Variants in SPTBN2 observed in about 807,000 individuals in gnomAD.
SPTBN2 encodes the protein spectrin beta, non-erythrocytic 2.
In SPTBN2, 107 loss-of-function variants were observed where a neutral mutation model predicts 284.2. That is an observed-to-expected ratio of 0.38 (90% CI 0.32 to 0.44). The LOEUF (loss-of-function observed/expected upper bound fraction) is 0.44. SPTBN2 is among the 20% of genes least tolerant of loss of function. SPTBN2 has a pLI of 1.00. For missense variants in SPTBN2, 2,569 were observed against 3,287.1 expected (o/e 0.78, Z 5.34); for synonymous variants, 1,289 against 1,354.8 (o/e 0.95, Z 1.07).
At chr11:66,725,795 CG>C (rs2135584438) in intron 1 of SPTBN2, among the ~76,000 whole-genome samples, 1 of 152,298 alleles carries the variant, frequency 6.6e-6, no homozygotes, top group African/African-American at 2.4e-5. Context: ...CTAGGCTCAC[CG>C]TGCCGATCCT....
At position 66,685,960 on chromosome 11, in the gene SPTBN2, C is replaced by T. The variant is rs764264434; in HGVS notation, c.7084G>A (p.Gly2362Arg). The change falls in exon 38 of 38, where the codon GGG becomes AGG. Residue 2362 changes from glycine to arginine, a missense_variant. This residue lies in a region of SPTBN2 where 1,130 missense variants were observed against 1,317.3 expected (regional missense o/e 0.86). Coordinates refer to ENST00000533211, the MANE Select transcript of SPTBN2 (RefSeq NM_006946.4). The surrounding 1 kb of genome is among the most constrained non-coding windows in gnomAD (Gnocchi z 4.4). ...AMTMPPVSPV[G>R]AEGPVVLRSK... ...CGGAGCACAACAGGCCCCTCAGCCC[C>T]GACGGGTGACACTGGGGGCATGGTC... 16 of 1,613,754 alleles carry T rather than the reference C, an allele frequency of 9.9e-6. No individual in the cohort carries two copies. Among genetic ancestry groups the T allele is most frequent in the African/African-American group, 6.7e-5 (5 of 74,924 alleles).
intron 1 of SPTBN2, among the ~76,000 whole-genome samples, chr11:66,736,046 G>A (rs1942849712): frequency 6.6e-6 from 1 of 152,122 alleles, no homozygotes; most frequent in Non-Finnish European, 1.5e-5. Flanking sequence ...GCCAGCTTGG[G>A]GCATGGTTTG....
At chr11:66,725,020 C>A (rs1356452417) in intron 1 of SPTBN2, among the ~76,000 whole-genome samples, 1 of 152,190 alleles carries the variant, frequency 6.6e-6, no homozygotes, top group Non-Finnish European at 1.5e-5. Context: ...CGGATTCCTA[C>A]CATTACCAGG....
In SPTBN2 at chr11:66,720,897, G is replaced by A. The variant is rs529727634; in HGVS notation, c.157+187C>T. ...CTCTATGCTTGGGGGGAAGAGCTGG[G>A]GAAAGTTCTGAATGGCCTGGAGCCT... On this transcript the variant is annotated intron_variant, in intron 3 of 37. Coordinates refer to ENST00000533211, the MANE Select transcript of SPTBN2 (RefSeq NM_006946.4). Among the ~76,000 whole-genome samples the A allele has an allele frequency of 2.0e-5, 3 of 152,208 alleles. No homozygotes were observed. In the East Asian group the frequency reaches 5.8e-4, roughly 29 times the overall value.
chr11:66,687,553 G>T lies in SPTBN2; in HGVS notation c.6596C>A (p.Ser2199Tyr). The part of the protein sequence containing the change: ...PAPSAMPQSR[S>Y]TESAHAATLP... ...GGTGGCAGCATGGGCTGACTCGGTA[G>T]ACCTGCTCTGGGGCATTGCAGATGG... is the stretch of plus-strand genomic sequence containing the variant. The change falls in exon 35 of 38, where the codon TCT (serine) becomes TAT (tyrosine). Residue 2199 changes from serine (S) to tyrosine (Y), a missense_variant. Transcript: ENST00000533211. The surrounding 1 kb of genome is among the most constrained non-coding windows in gnomAD (Gnocchi z 5.2). The T allele has an allele frequency of 6.2e-7, 1 of 1,612,230 alleles. No individual in the cohort carries two copies. Among genetic ancestry groups the T allele is most frequent in the Non-Finnish European group, 8.5e-7 (1 of 1,179,994 alleles).
chr11:66,711,419 G>A (rs1941859650), intron 8 of SPTBN2, among the ~76,000 whole-genome samples: 1 of 152,238 alleles, frequency 6.6e-6, no homozygotes, highest in Non-Finnish European at 1.5e-5. Context: ...GGGGCAGTGG[G>A]ACGGAAGGTA....
chr11:66,710,889 CT>C lies in SPTBN2; in HGVS notation c.885+27del. On this transcript the variant is annotated intron_variant, in intron 9 of 37. Transcript: ENST00000533211. This position sits in a 1 kb window ranked among gnomAD's most constrained non-coding sequence, Gnocchi z 4.9. ...ACCCCTCAGCCGGGCCTCCTCTGGC[CT>C]TTATGCCTACTGCCCATGGACAGTA... 1 of 1,613,110 alleles carries C rather than the reference CT, an allele frequency of 6.2e-7. No homozygotes were observed. Among genetic ancestry groups the C allele is most frequent in the East Asian group, 2.2e-5 (1 of 44,886 alleles).
At position 66,715,342 on chromosome 11, in the gene SPTBN2, C is replaced by T. The variant is rs763047728; in HGVS notation, c.363G>A (p.Lys121=). 2.9e-5 allele frequency: 47 copies of T among 1,614,108 alleles called. No homozygotes were observed. The East Asian group carries it at 9.8e-4, about 34-fold the overall frequency. Residue 121 remains lysine (K), a synonymous_variant, in exon 5 of 38, where the codon AAG becomes AAA. Transcript: ENST00000533211. This position sits in a 1 kb window ranked among gnomAD's most constrained non-coding sequence, Gnocchi z 5.3. The stretch of plus-strand genomic sequence containing the variant: ...TCTGCTCCTTGAGGAACTGCAGTGC[C>T]TTGTCCACGTTCTCCAGGCAGTGGA... ...MRIHCLENVD[K]ALQFLKEQKV... is the part of the protein sequence containing the mutation.
In SPTBN2 at chr11:66,718,049, C is replaced by T. The variant is rs1209629573; in HGVS notation, c.158-2068G>A. ...TCCCTGGGCCTGGCTCACCCCTCCGCCTCCCCTAACTGTCCTGGCCAGCGC... is the reference window on the plus strand; with the variant it reads ...TCCCTGGGCCTGGCTCACCCCTCCGTCTCCCCTAACTGTCCTGGCCAGCGC... On this transcript the variant is annotated intron_variant, in intron 3 of 37. Coordinates refer to ENST00000533211, the MANE Select transcript of SPTBN2 (RefSeq NM_006946.4). The surrounding 1 kb of genome is among the most constrained non-coding windows in gnomAD (Gnocchi z 4.8). Among the ~76,000 whole-genome samples, 1 of 152,176 alleles carries T rather than the reference C, an allele frequency of 6.6e-6. No individual in the cohort carries two copies. The highest frequency in any genetic ancestry group is 1.5e-5 in the Non-Finnish European group (1 of 68,026).
chr11:66,709,534 T>A (rs747133631), intron 10 of SPTBN2, among the ~76,000 whole-genome samples: 1 of 152,246 alleles, frequency 6.6e-6, no homozygotes, highest in Admixed American at 6.5e-5. Context: ...CACCTTTCCA[T>A]GTCAATAAAT....
chr11:66,704,918 G>A lies in SPTBN2; in HGVS notation c.2358C>T (p.Ala786=), dbSNP rs2135444597. 1 of 1,611,684 alleles carries A rather than the reference G, an allele frequency of 6.2e-7. No individual in the cohort carries two copies. Among genetic ancestry groups the A allele is most frequent in the Non-Finnish European group, 8.5e-7 (1 of 1,179,912 alleles). ...GHDEFSTQAL[A]RQHRALEEEI... ...CCTCCTCCAGGGCCCGATGCTGCCT[G>A]GCTAGAGCCTGCGTGGAGAACTCGT... The change falls in exon 15 of 38, where the codon GCC becomes GCT. Residue 786 remains alanine (A), a synonymous_variant. Coordinates refer to ENST00000533211, the MANE Select transcript of SPTBN2 (RefSeq NM_006946.4).
Position 66,682,564 on chromosome 11 carries a change from T to C in SPTBN2, c.*3307A>G, listed in dbSNP as rs939848019. ...TCTAAAATATTATTTCAACACATAA[T>C]CAATATAAAAATTAAGGTATTTAAA... On this transcript the variant is annotated 3_prime_UTR_variant, in exon 38 of 38. Transcript: ENST00000533211. Among the ~76,000 whole-genome samples the C allele has an allele frequency of 6.6e-6, 1 of 152,102 alleles. No individual in the cohort carries two copies. The highest frequency in any genetic ancestry group is 2.4e-5 in the African/African-American group (1 of 41,418).
Position 66,693,747 on chromosome 11 carries a change from C to A in SPTBN2, c.4593+25G>T. ...TCTGGGCAGGCTCCTGGGAACTTCTCTTTTGCCTTCAGCCTCTGCCTCACC... is the reference window on the plus strand; with the variant it reads ...TCTGGGCAGGCTCCTGGGAACTTCTATTTTGCCTTCAGCCTCTGCCTCACC... On this transcript the variant is annotated intron_variant, in intron 23 of 37. Coordinates refer to ENST00000533211, the MANE Select transcript of SPTBN2 (RefSeq NM_006946.4). The surrounding 1 kb of genome is among the most constrained non-coding windows in gnomAD (Gnocchi z 5.7). 1 of 1,602,752 alleles carries A rather than the reference C, an allele frequency of 6.2e-7. No individual in the cohort carries two copies.
At chr11:66,720,715 A>C (rs1465756645) in intron 3 of SPTBN2, among the ~76,000 whole-genome samples, 4 of 152,306 alleles carry the variant, frequency 2.6e-5, no homozygotes, top group African/African-American at 9.6e-5. Context: ...AAATCAAAGA[A>C]GACACAACAA....
rs978212379 is a variant in SPTBN2 at position 66,688,330 on chromosome 11, T to C, written c.6232-19A>G. 1.3e-6 allele frequency: 2 copies of C among 1,566,004 alleles called. No individual in the cohort carries two copies. Among genetic ancestry groups the C allele is most frequent in the Admixed American group, 1.9e-5 (1 of 52,586 alleles). On this transcript the variant is annotated intron_variant, in intron 31 of 37. Coordinates refer to ENST00000533211, the MANE Select transcript of SPTBN2 (RefSeq NM_006946.4). Reference sequence around the variant, plus strand: ...CCTCTAGCTGTCAAAAAATGCTGCATTCAGCGTGTAGAAGGTTGCGTGTAA... The same window carrying C: ...CCTCTAGCTGTCAAAAAATGCTGCACTCAGCGTGTAGAAGGTTGCGTGTAA...
chr11:66,688,271 T>A lies in SPTBN2; in HGVS notation c.6272A>T (p.Glu2091Val), dbSNP rs549811379. 4 of 1,612,074 alleles carry A rather than the reference T, an allele frequency of 2.5e-6. No homozygotes were observed. Among genetic ancestry groups the A allele is most frequent in the African/African-American group, 1.3e-5 (1 of 75,018 alleles). ...REKERKRKRE[E>V]EERRKQPPAP... ...AGGCGGCTGTTTCCGCCGCTCCTCCTCCTCCCTCTTTCTCTTTCGCTCCTT... is the reference window on the plus strand; with the variant it reads ...AGGCGGCTGTTTCCGCCGCTCCTCCACCTCCCTCTTTCTCTTTCGCTCCTT... The change falls in exon 32 of 38, where the codon GAG (glutamate) becomes GTG (valine). Residue 2091 changes from glutamate to valine, a missense_variant. This residue lies in a region of SPTBN2 where 1,130 missense variants were observed against 1,317.3 expected (regional missense o/e 0.86). Coordinates refer to ENST00000533211, the MANE Select transcript of SPTBN2 (RefSeq NM_006946.4).
chr11:66,721,364 C>A lies in SPTBN2; in HGVS notation c.-37G>T. ...TCTTGCCCTACCTGTGCTCCGCTCT[C>A]CTTGTGGCCAGAGGCTGCGGTTGGC... On this transcript the variant is annotated 5_prime_UTR_variant, in exon 2 of 38. Coordinates refer to ENST00000533211, the MANE Select transcript of SPTBN2 (RefSeq NM_006946.4). 1 of 1,365,076 alleles carries A rather than the reference C, an allele frequency of 7.3e-7. No individual in the cohort carries two copies. The highest frequency in any genetic ancestry group is 1.2e-5 in the South Asian group (1 of 85,264). The allele number at this position is 1,365,076 out of a possible 1,614,324, so 84.6% of individuals were successfully genotyped here. A position where few individuals can be genotyped will look rare whatever the true frequency, so the allele number is the denominator to read the frequency against.
intron 1 of SPTBN2, among the ~76,000 whole-genome samples, chr11:66,740,739 G>A (rs1008916545): frequency 6.6e-6 from 1 of 152,162 alleles, no homozygotes; most frequent in African/African-American, 2.4e-5. Context: ...ATAGTTGCTT[G>A]GTTCTTTCCC....
chr11:66,687,198 C>A lies in SPTBN2; in HGVS notation c.6723-31G>T. The A allele has an allele frequency of 7.4e-6, 12 of 1,612,112 alleles. No individual in the cohort carries two copies. The highest frequency in any genetic ancestry group is 1.0e-5 in the Non-Finnish European group (12 of 1,179,784). On this transcript the variant is annotated intron_variant, in intron 35 of 37. Coordinates refer to ENST00000533211, the MANE Select transcript of SPTBN2 (RefSeq NM_006946.4). This position sits in a 1 kb window ranked among gnomAD's most constrained non-coding sequence, Gnocchi z 5.2. Reference sequence around the variant, plus strand: ...AGGGACGCGGTGCTGACTGGCCGGCCTCAGTGGCGCCCGCAACCTGGAGCC... The same window carrying A: ...AGGGACGCGGTGCTGACTGGCCGGCATCAGTGGCGCCCGCAACCTGGAGCC...
Sources: allele counts gnomAD v4.1 joint callset (sites outside exome capture counted in the v4.1 genomes callset), GRCh38; gene constraint gnomAD v4.1.1; regional missense constraint gnomAD v4.1.1; non-coding constraint Gnocchi (gnomAD v3.1); transcripts MANE v1.5; gene names NCBI Gene and HGNC (gene_info 2026-07-23, HGNC 2026-07-21).